Variants in PCDHGA2 observed in about 807,000 individuals in gnomAD.
PCDHGA2 encodes the protein protocadherin gamma-A2.
PCDHGA2 carries 40 observed loss-of-function variants against 59.2 expected under a neutral mutation model. That is an observed-to-expected ratio of 0.68 (90% CI 0.52 to 0.88). The LOEUF is 0.88. PCDHGA2 is among the 40% of genes least tolerant of loss of function. PCDHGA2 has a pLI of 0.00. For synonymous variants in PCDHGA2, 560 were observed against 526.0 expected (o/e 1.06, Z -0.89); for missense variants, 1,226 against 1,204.0 (o/e 1.02, Z -0.27).
chr5:141,485,641 G>T lies in PCDHGA2; in HGVS notation c.2425-9166G>T. The T allele has an allele frequency of 6.2e-7, 1 of 1,612,012 alleles. No individual in the cohort carries two copies. Among genetic ancestry groups the T allele is most frequent in the Non-Finnish European group, 8.5e-7 (1 of 1,178,470 alleles). On this transcript the variant is annotated intron_variant, in intron 1 of 3. Transcript: ENST00000394576. The surrounding 1 kb of genome is among the most constrained non-coding windows in gnomAD (Gnocchi z 5.7). Reference sequence around the variant, plus strand: ...CAGGACAGCGTTTCCCGTTGGAAAAGGCTCAGGATGCAGATGTGGGGAGCA... The same window carrying T: ...CAGGACAGCGTTTCCCGTTGGAAAATGCTCAGGATGCAGATGTGGGGAGCA...
At chr5:141,403,877 T>A in intron 1 of PCDHGA2, 1 of 1,613,796 alleles carries the variant, frequency 6.2e-7, no homozygotes, top group Non-Finnish European at 8.5e-7. Context: ...AAGTCTAGAT[T>A]ATGAAGAATG....
rs1292277026 is a variant in PCDHGA2 at position 141,489,814 on chromosome 5, CCA to C, written c.2425-4992_2425-4991del. 6 of 1,614,024 alleles carry C rather than the reference CCA, an allele frequency of 3.7e-6. No homozygotes were observed. Among genetic ancestry groups the C allele is most frequent in the Non-Finnish European group, 8.5e-7 (1 of 1,180,004 alleles). ...GACCCTAAAAGATGGGAAGCCATTC[CCA>C]GAGCTGGTGCTAGAGCAGCAGCTGG... On this transcript the variant is annotated intron_variant, in intron 1 of 3. Transcript: ENST00000394576. This position sits in a 1 kb window ranked among gnomAD's most constrained non-coding sequence, Gnocchi z 4.5.
intron 1 of PCDHGA2, chr5:141,415,704 T>G: frequency 7.4e-7 from 1 of 1,344,464 alleles, no homozygotes; most frequent in Non-Finnish European, 1.0e-6. Flanking sequence ...GTGTAAATGC[T>G]AAAACACTGA....
At chr5:141,481,811 G>A (rs1050821120) in intron 1 of PCDHGA2, among the ~76,000 whole-genome samples, 1 of 151,892 alleles carries the variant, frequency 6.6e-6, no homozygotes. Context: ...AATTCACCAG[G>A]CGTGGTGGCT....
chr5:141,451,233 T>A (rs1431967203), intron 1 of PCDHGA2, among the ~76,000 whole-genome samples: 1 of 152,216 alleles, frequency 6.6e-6, no homozygotes, highest in African/African-American at 2.4e-5. Flanking sequence ...GCATTTATTA[T>A]CTCATAAATT....
chr5:141,366,307 G>C lies in PCDHGA2; in HGVS notation c.2424+24912G>C, dbSNP rs539472764. On this transcript the variant is annotated intron_variant, in intron 1 of 3. Transcript: ENST00000394576. Reference sequence around the variant, plus strand: ...AGCCCCCTCTGTCAGCCACCTTCACGGTCACCGTTGCCGTGGCCGACAGGA... The same window carrying C: ...AGCCCCCTCTGTCAGCCACCTTCACCGTCACCGTTGCCGTGGCCGACAGGA... The C allele has an allele frequency of 7.4e-6, 12 of 1,613,630 alleles. No individual in the cohort carries two copies. In the East Asian group the frequency reaches 2.2e-4, roughly 30 times the overall value.
intron 1 of PCDHGA2, chr5:141,376,162 G>A (rs1480360111): frequency 1.2e-6 from 2 of 1,614,084 alleles, no homozygotes; most frequent in African/African-American, 1.3e-5. Flanking sequence ...CTCTGTACCT[G>A]GTGGTGGCGG....
intron 1 of PCDHGA2, chr5:141,351,367 C>T (rs1253333383): frequency 6.2e-7 from 1 of 1,612,826 alleles, no homozygotes; most frequent in Non-Finnish European, 8.5e-7. Flanking sequence ...AAGTGCGAGA[C>T]AAGGATTCTG....
chr5:141,347,030 C>T (rs1466129961), intron 1 of PCDHGA2, among the ~76,000 whole-genome samples: 1 of 150,920 alleles, frequency 6.6e-6, no homozygotes, highest in Non-Finnish European at 1.5e-5. Flanking sequence ...TTTCCTCCTT[C>T]CTTCCTTCCT....
Position 141,491,013 on chromosome 5 carries a change from G to C in PCDHGA2, c.2425-3794G>C. ...CTCCTCCTGGCTCCTTGGTCACCAA[G>C]GTGACAGCCGTGGATGCTGATGCAG... On this transcript the variant is annotated intron_variant, in intron 1 of 3. Transcript: ENST00000394576. The surrounding 1 kb of genome is among the most constrained non-coding windows in gnomAD (Gnocchi z 6.9). 6.2e-7 allele frequency: 1 copy of C among 1,614,144 alleles called. No homozygotes were observed. Among genetic ancestry groups the C allele is most frequent in the Non-Finnish European group, 8.5e-7 (1 of 1,180,040 alleles).
chr5:141,423,513 G>A, intron 1 of PCDHGA2: 2 of 1,613,750 alleles, frequency 1.2e-6, no homozygotes. Context: ...CTCTCATTGC[G>A]GACTCGCAGA....
At chr5:141,438,914 C>T (rs1249997741) in intron 1 of PCDHGA2, among the ~76,000 whole-genome samples, 1 of 151,906 alleles carries the variant, frequency 6.6e-6, no homozygotes, top group Non-Finnish European at 1.5e-5. Flanking sequence ...GATCCACCTG[C>T]CTTGGCCTCC....
intron 1 of PCDHGA2, chr5:141,400,713 T>C: frequency 1.5e-6 from 1 of 686,914 alleles, no homozygotes; most frequent in South Asian, 2.0e-5. Context: ...GAAGTAGCCT[T>C]ATAGATTTAC....
intron 1 of PCDHGA2, among the ~76,000 whole-genome samples, chr5:141,458,445 T>G (rs180720013): frequency 6.6e-6 from 1 of 151,738 alleles, no homozygotes; most frequent in East Asian, 1.9e-4. Flanking sequence ...TCCCCCACAT[T>G]AACAATTTTT....
At chr5:141,357,754 G>A in intron 1 of PCDHGA2, 1 of 1,082,694 alleles carries the variant, frequency 9.2e-7, no homozygotes, top group Non-Finnish European at 1.3e-6. Context: ...AAGAAAACTG[G>A]TGGATGACCT....
rs1398115287 is a variant in PCDHGA2 at position 141,340,154 on chromosome 5, G to A, written c.1183G>A (p.Glu395Lys). 6.2e-7 allele frequency: 1 copy of A among 1,614,188 alleles called. No homozygotes were observed. The highest frequency in any genetic ancestry group is 2.2e-5 in the East Asian group (1 of 44,868). The change falls in exon 1 of 4, where the codon GAA (glutamate) becomes AAA (lysine). Residue 395 changes from glutamate to lysine, a missense_variant. Transcript: ENST00000394576. ...CCCCGAGGATCTTCCTTTTAAGTTA[G>A]AAAAGTCAGTAGACAATTACTACCG... ...SLPEDLPFKL[E>K]KSVDNYYRLV...
intron 2 of PCDHGA2, among the ~76,000 whole-genome samples, chr5:141,500,311 C>T (rs2099799036): frequency 2.0e-5 from 3 of 152,072 alleles, no homozygotes; most frequent in African/African-American, 7.2e-5. Context: ...CAGGTTCACG[C>T]CATGCTCCTG....
In PCDHGA2 at chr5:141,487,522, T is replaced by C. The variant is rs764726787; in HGVS notation, c.2425-7285T>C. 2 of 1,614,166 alleles carry C rather than the reference T, an allele frequency of 1.2e-6. No individual in the cohort carries two copies. The highest frequency in any genetic ancestry group is 1.7e-6 in the Non-Finnish European group (2 of 1,180,022). ...TGGCTTCTGCACCCACTCGGAGTGATAGCTTCATGATGGTGAAGTCACCCA... is the reference window on the plus strand; with the variant it reads ...TGGCTTCTGCACCCACTCGGAGTGACAGCTTCATGATGGTGAAGTCACCCA... On this transcript the variant is annotated intron_variant, in intron 1 of 3. Coordinates refer to ENST00000394576, the MANE Select transcript of PCDHGA2 (RefSeq NM_018915.4). This position sits in a 1 kb window ranked among gnomAD's most constrained non-coding sequence, Gnocchi z 5.0.
chr5:141,500,005 G>A (rs994274763), intron 2 of PCDHGA2, among the ~76,000 whole-genome samples: 30 of 151,476 alleles, frequency 2.0e-4, no homozygotes, highest in Non-Finnish European at 3.8e-4. Context: ...TCTTTCATAA[G>A]GTCCACATTT....
Sources: gnomAD v4.1 joint callset for allele counts (sites outside exome capture counted in the v4.1 genomes callset) on GRCh38, gnomAD v4.1.1 for gene constraint, Gnocchi (gnomAD v3.1) non-coding constraint, MANE v1.5 for transcripts, NCBI Gene and HGNC (gene_info 2026-07-23, HGNC 2026-07-21) for gene names.